The following CSMD3 variants were observed in gnomAD, a reference collection of about 807,000 sequenced individuals.
CSMD3 encodes the protein CUB and sushi domain-containing protein 3.
Under a neutral mutation model 435.2 loss-of-function variants are expected in CSMD3, and 177 were observed. The ratio of observed to expected loss-of-function variants is 0.41; its 90% CI spans 0.36 to 0.46. The LOEUF is 0.46. CSMD3 is among the 20% of genes least tolerant of loss of function. The pLI is 0.34. For synonymous variants in CSMD3, 1,656 were observed against 1,520.5 expected (o/e 1.09, Z -2.07); for missense variants, 4,265 against 4,504.6 (o/e 0.95, Z 1.52).
intron 11 of CSMD3, among the ~76,000 whole-genome samples, chr8:112,850,930 T>C (rs2080465475): frequency 2.0e-5 from 3 of 152,282 alleles, no homozygotes; most frequent in South Asian, 4.1e-4. Flanking sequence ...CTCAGGGGCA[T>C]AGCTAATAGT....
chr8:112,304,990 A>G (rs1030068429), intron 51 of CSMD3, 75 bp from the exon 52 acceptor site: 8 of 1,060,880 alleles, frequency 7.5e-6, no homozygotes, highest in Non-Finnish European at 4.3e-6. Flanking sequence ...TTACATCTCC[A>G]CTGACCTAAT....
At chr8:112,976,798 T>G (rs995139824) in intron 6 of CSMD3, among the ~76,000 whole-genome samples, 1 of 152,098 alleles carries the variant, frequency 6.6e-6, no homozygotes, top group Non-Finnish European at 1.5e-5. Context: ...AATATTTTAG[T>G]TTAACCAATT....
intron 6 of CSMD3, among the ~76,000 whole-genome samples, chr8:113,000,239 T>C (rs922428323): frequency 6.6e-6 from 1 of 152,052 alleles, no homozygotes; most frequent in African/African-American, 2.4e-5. Context: ...ATACATGAAC[T>C]GAGAAATTGT....
intron 25 of CSMD3, among the ~76,000 whole-genome samples, 154 bp from the exon 26 acceptor site, chr8:112,552,874 GA>G (rs1291558388): frequency 6.6e-6 from 1 of 152,102 alleles, no homozygotes; most frequent in East Asian, 1.9e-4. Flanking sequence ...ATTGAAGCAA[GA>G]ATATATAATA....
chr8:113,136,103 G>A (rs2091412260), intron 4 of CSMD3, among the ~76,000 whole-genome samples: 2 of 151,778 alleles, frequency 1.3e-5, no homozygotes, highest in African/African-American at 2.4e-5. Context: ...TAAGCACTGT[G>A]AGAACAAATT....
intron 6 of CSMD3, among the ~76,000 whole-genome samples, chr8:112,994,342 A>C (rs992726937): frequency 6.6e-6 from 1 of 151,650 alleles, no homozygotes; most frequent in Non-Finnish European, 1.5e-5. Context: ...GTTGTGAAGA[A>C]TAGCTACATA....
At chr8:113,119,984 C>G (rs1049929062) in intron 4 of CSMD3, among the ~76,000 whole-genome samples, 1 of 151,696 alleles carries the variant, frequency 6.6e-6, no homozygotes, top group African/African-American at 2.4e-5. Context: ...AATCCAAGCT[C>G]AATATTCATA....
chr8:113,328,455 AG>A (rs1163988040), intron 1 of CSMD3, among the ~76,000 whole-genome samples: 1 of 151,060 alleles, frequency 6.6e-6, no homozygotes, highest in Admixed American at 6.6e-5. Context: ...AAAAAAAAAA[AG>A]ATGAAAGATG....
chr8:112,247,290 T>C (rs1181687167), intron 63 of CSMD3, among the ~76,000 whole-genome samples, 159 bp from the exon 64 acceptor site: 1 of 151,894 alleles, frequency 6.6e-6, no homozygotes, highest in African/African-American at 2.4e-5. Context: ...ATGGGAAAAA[T>C]TCAAAACTAA....
At chr8:112,537,303 T>G (rs1255976516) in intron 27 of CSMD3, among the ~76,000 whole-genome samples, 1 of 151,788 alleles carries the variant, frequency 6.6e-6, no homozygotes, top group African/African-American at 2.4e-5. Context: ...GTAGAACGTC[T>G]TCAAATTAAC....
At chr8:112,534,917 C>A (rs1825908913) in intron 27 of CSMD3, among the ~76,000 whole-genome samples, 2 of 151,760 alleles carry the variant, frequency 1.3e-5, no homozygotes, top group South Asian at 2.1e-4. Context: ...TAAACGGAAC[C>A]AAAGAAAAAA....
chr8:112,583,184 A>C (rs1830461081), intron 23 of CSMD3, among the ~76,000 whole-genome samples: 1 of 152,062 alleles, frequency 6.6e-6, no homozygotes, highest in African/African-American at 2.4e-5. Flanking sequence ...GGAATAATAT[A>C]CAAAGTGTGA....
In CSMD3 at chr8:112,975,949, C is replaced by T. The variant is rs113972313; in HGVS notation, c.1230G>A (p.Thr410=). ...GATGAGGAGAGAGCCCGTCCTTGGACGTGTTGGGGTCCAGACCTGAATTTC... is the reference window on the plus strand; with the variant it reads ...GATGAGGAGAGAGCCCGTCCTTGGATGTGTTGGGGTCCAGACCTGAATTTC... ...SLRNSGLDPN[T]SKDGLSPHPA... The change falls in exon 7 of 71, where the codon ACG becomes ACA. Residue 410 remains threonine, a synonymous_variant. Coordinates refer to ENST00000297405, the MANE Select transcript of CSMD3 (RefSeq NM_198123.2). 8.7e-6 allele frequency: 14 copies of T among 1,614,030 alleles called. No homozygotes were observed. The highest frequency in any genetic ancestry group is 1.1e-5 in the Non-Finnish European group (13 of 1,179,974).
chr8:113,173,904 C>T lies in CSMD3; in HGVS notation c.527G>A (p.Ser176Asn), dbSNP rs2131892138. The T allele has an allele frequency of 6.2e-7, 1 of 1,612,924 alleles. No homozygotes were observed. The highest frequency in any genetic ancestry group is 8.5e-7 in the Non-Finnish European group (1 of 1,179,054). Residue 176 changes from serine to asparagine, a missense_variant, in exon 4 of 71, where the codon AGC becomes AAC. This residue lies in a region of CSMD3 where 731 missense variants were observed against 755.4 expected (regional missense o/e 0.97). Coordinates refer to ENST00000297405, the MANE Select transcript of CSMD3 (RefSeq NM_198123.2). ...FKVYYEELQSSSCGNPGVPPK... is the reference protein window; with the variant it reads ...FKVYYEELQSNSCGNPGVPPK... ...TGGAACACCAGGATTTCCACAAGAG[C>T]TACTCTGCAATTCTATTAAAAAGGA...
At chr8:113,149,571 T>A (rs2091758274) in intron 4 of CSMD3, among the ~76,000 whole-genome samples, 1 of 151,874 alleles carries the variant, frequency 6.6e-6, no homozygotes, top group Non-Finnish European at 1.5e-5. Context: ...TTCAGAGAAA[T>A]TACTTAAAAA....
chr8:112,832,728 A>G (rs2079911380), intron 11 of CSMD3, among the ~76,000 whole-genome samples: 1 of 152,168 alleles, frequency 6.6e-6, no homozygotes, highest in African/African-American at 2.4e-5. Context: ...TACAACCTTG[A>G]AAAGAAGACC....
At chr8:112,321,466 A>C (rs1043423697) in intron 45 of CSMD3, among the ~76,000 whole-genome samples, 2 of 152,162 alleles carry the variant, frequency 1.3e-5, no homozygotes, top group Non-Finnish European at 2.9e-5. Context: ...TCCAGTTCTG[A>C]AGAGTGATCC....
intron 3 of CSMD3, among the ~76,000 whole-genome samples, chr8:113,246,403 G>A (rs1372182488): frequency 4.0e-5 from 6 of 151,812 alleles, no homozygotes; most frequent in African/African-American, 7.3e-5. Context: ...TTCAACTCTA[G>A]AATTTCTATG....
intron 3 of CSMD3, among the ~76,000 whole-genome samples, chr8:113,177,732 A>G (rs1436952420): frequency 6.6e-6 from 1 of 151,958 alleles, no homozygotes; most frequent in Non-Finnish European, 1.5e-5. Flanking sequence ...TTACTGCTCT[A>G]GGCATAACAA....
Sources: gnomAD v4.1 joint callset for allele counts (sites outside exome capture counted in the v4.1 genomes callset) on GRCh38, gnomAD v4.1.1 for gene constraint, gnomAD v4.1.1 regional missense constraint, MANE v1.5 for transcripts, NCBI Gene and HGNC (gene_info 2026-07-23, HGNC 2026-07-21) for gene names.